Variants in MYO7A observed in about 807,000 individuals in gnomAD.
MYO7A encodes unconventional myosin-VIIa.
MYO7A carries 210 observed loss-of-function variants against 263.8 expected under a neutral mutation model. The observed-to-expected ratio is 0.80, with a 90% CI of 0.71 to 0.89. MYO7A has a LOEUF of 0.89. Among genes scored for constraint, MYO7A ranks in the 40% least tolerant of loss-of-function variants. MYO7A has a pLI of 0.00. For synonymous variants in MYO7A, 1,239 were observed against 1,197.3 expected (o/e 1.03, Z -0.72); for missense variants, 2,820 against 2,968.3 (o/e 0.95, Z 1.16).
At chr11:77,130,500 C>T (rs1464228735) in intron 1 of MYO7A, 89 bp from the exon 2 acceptor site, 5 of 973,378 alleles carry the variant, frequency 5.1e-6, no homozygotes, top group Non-Finnish European at 6.3e-6. Flanking sequence ...GGAGCTGGGG[C>T]TTTGGGAGGA....
rs885440 is a variant in MYO7A at position 77,209,066 on chromosome 11, G to A, written c.6051+263G>A. On this transcript the variant is annotated intron_variant, in intron 44 of 48. Coordinates refer to ENST00000409709, the MANE Select transcript of MYO7A (RefSeq NM_000260.4). ...CCTGTTCAGGCCCCTCCTTCAGTGC[G>A]GGGCTATCCTCTGACTTCGAGATTC... 277,892 of 490,852 alleles carry A rather than the reference G, an allele frequency of 0.57. 78,890 individuals carry two copies. Among genetic ancestry groups the A allele is most frequent in the Admixed American group, 0.65 (19,213 of 29,656 alleles). The allele number at this position is 490,852 out of a possible 1,614,324, so 30.4% of individuals were successfully genotyped here. A position where few individuals can be genotyped will look rare whatever the true frequency, so the allele number is the denominator to read the frequency against.
rs544856649 is a variant in MYO7A at position 77,183,020 on chromosome 11, A to G, written c.3286-48A>G. Reference sequence around the variant, plus strand: ...AAGTCTTGCTGTCGGGGGTCTCGACATTGCTTTCTGCTCAGCCACTTGACC... The same window carrying G: ...AAGTCTTGCTGTCGGGGGTCTCGACGTTGCTTTCTGCTCAGCCACTTGACC... On this transcript the variant is annotated intron_variant, in intron 25 of 48. Coordinates refer to ENST00000409709, the MANE Select transcript of MYO7A (RefSeq NM_000260.4). The G allele has an allele frequency of 2.7e-6, 4 of 1,497,104 alleles. No homozygotes were observed. In the South Asian group the frequency reaches 3.6e-5, roughly 14 times the overall value. 92.7% of individuals were successfully genotyped at this position (1,497,104 alleles called of 1,614,324 possible).
chr11:77,176,676 G>T (rs138897433), intron 18 of MYO7A, among the ~76,000 whole-genome samples: 3 of 152,288 alleles, frequency 2.0e-5, no homozygotes, highest in East Asian at 3.9e-4. Flanking sequence ...GGCCAAACAT[G>T]CTCATTCATC....
rs1476261700 is a variant in MYO7A at position 77,214,012 on chromosome 11, C to G, written c.6558+33C>G. On this transcript the variant is annotated intron_variant, in intron 48 of 48. Transcript: ENST00000409709. ...CGCATCCTGCTGGGCCTAGTGGGCT[C>G]CCTGCCTTGCCTGCAGCGTAGCCAG... 54 of 1,612,658 alleles carry G rather than the reference C, an allele frequency of 3.3e-5. No homozygotes were observed. The Middle Eastern group carries it at 5.0e-4, about 15-fold the overall frequency.
rs762849700 is a variant in MYO7A, at chr11:77,206,082, C to T, written c.5637-15C>T. 24 of 1,600,338 alleles carry T rather than the reference C, an allele frequency of 1.5e-5. No individual in the cohort carries two copies. The South Asian group carries it at 2.6e-4, about 17-fold the overall frequency. ...CCCACGCACATGCCCCCTGCTGCCC[C>T]TGCTGCCTTTTCAGAAACGGGTCCC... is the stretch of plus-strand genomic sequence containing the variant. On this transcript the variant is annotated splice_polypyrimidine_tract_variant and intron_variant, in intron 40 of 48. Coordinates refer to ENST00000409709, the MANE Select transcript of MYO7A (RefSeq NM_000260.4).
chr11:77,148,691 C>T (rs1565322651), intron 4 of MYO7A, among the ~76,000 whole-genome samples: 1 of 152,034 alleles, frequency 6.6e-6, no homozygotes, highest in African/African-American at 2.4e-5. Flanking sequence ...TTGATATTTG[C>T]CATATTAGAA....
chr11:77,191,577 C>A (rs1156871986), intron 30 of MYO7A, among the ~76,000 whole-genome samples: 1 of 152,200 alleles, frequency 6.6e-6, no homozygotes, highest in African/African-American at 2.4e-5. Context: ...TGCCCTGAAG[C>A]AGCTGGAGTG....
In MYO7A at chr11:77,201,577, A is replaced by C; in HGVS notation, c.4982A>C (p.Asp1661Ala). 6.2e-7 allele frequency: 1 copy of C among 1,613,824 alleles called. No individual in the cohort carries two copies. The highest frequency in any genetic ancestry group is 1.1e-5 in the South Asian group (1 of 91,074). ...GINERTKQRG[D>A]FPTDSVYVMP... Reference sequence around the variant, plus strand: ...AATGAGAGGACCAAGCAGCGTGGGGACTTCCCCACCGACAGTGTGTACGTC... The same window carrying C: ...AATGAGAGGACCAAGCAGCGTGGGGCCTTCCCCACCGACAGTGTGTACGTC... Residue 1661 changes from aspartate (D) to alanine (A), a missense_variant, in exon 36 of 49, where the codon GAC (aspartate) becomes GCC (alanine). Transcript: ENST00000409709.
chr11:77,177,442 G>A (rs1954741403), intron 18 of MYO7A, 107 bp from the exon 19 acceptor site: 1 of 908,168 alleles, frequency 1.1e-6, no homozygotes, highest in Non-Finnish European at 1.7e-6. Context: ...GCCCAACTGA[G>A]TTCTTGACCT....
intron 20 of MYO7A, 147 bp from the exon 21 acceptor site, chr11:77,179,586 TGG>T: frequency 1.5e-6 from 1 of 663,346 alleles, no homozygotes; most frequent in Non-Finnish European, 2.5e-6. Flanking sequence ...TTTCTAACGA[TGG>T]GGGGGCACTA....
At chr11:77,187,506 C>T (rs921468009) in intron 27 of MYO7A, among the ~76,000 whole-genome samples, 13 of 152,194 alleles carry the variant, frequency 8.5e-5, no homozygotes, top group Non-Finnish European at 2.9e-5. Context: ...CCTGCTTTAA[C>T]CCCGCTGCCG....
chr11:77,156,013 C>A lies in MYO7A; in HGVS notation c.392C>A (p.Pro131His). 6.2e-7 allele frequency: 1 copy of A among 1,613,918 alleles called. No individual in the cohort carries two copies. The highest frequency in any genetic ancestry group is 8.5e-7 in the Non-Finnish European group (1 of 1,179,876). Residue 131 changes from proline to histidine, a missense_variant, in exon 5 of 49, where the codon CCC becomes CAC. Pro to His is a moderately conservative substitution (Grantham distance 77). Transcript: ENST00000409709. ...QYTNKKIGEM[P>H]PHIFAIADNC... is the part of the protein sequence containing the mutation. ...ACCAACAAGAAGATTGGGGAGATGC[C>A]CCCCCACATCTTTGCCATTGCTGAC...
rs530168424 is a variant in MYO7A at position 77,167,836 on chromosome 11, C to T, written c.1797+1674C>T. ...GCTTGTCTGGATGGTGGCCTCTCCC[C>T]TCTGCCCACAGATCAGCCCTGGAAG... On this transcript the variant is annotated intron_variant, in intron 15 of 48. Coordinates refer to ENST00000409709, the MANE Select transcript of MYO7A (RefSeq NM_000260.4). Among the ~76,000 whole-genome samples, 12 of 152,244 alleles carry T rather than the reference C, an allele frequency of 7.9e-5. No individual in the cohort carries two copies. In the East Asian group the frequency reaches 2.3e-3, roughly 30 times the overall value.
chr11:77,212,937 C>T lies in MYO7A; in HGVS notation c.6355-15C>T, dbSNP rs1265584857. The T allele has an allele frequency of 3.2e-6, 5 of 1,576,092 alleles. No homozygotes were observed. The highest frequency in any genetic ancestry group is 1.8e-5 in the Admixed American group (1 of 55,172). ...TCTGGGCCCCCATCTGATGCCTTCT[C>T]ATCTTTTTTTCTAGCAAACTACGGA... is the stretch of plus-strand genomic sequence containing the variant. On this transcript the variant is annotated splice_polypyrimidine_tract_variant and intron_variant, in intron 46 of 48. Transcript: ENST00000409709.
At chr11:77,211,360 G>T (rs1404924729) in intron 45 of MYO7A, 23 bp downstream of exon 45, 1 of 1,560,996 alleles carries the variant, frequency 6.4e-7, no homozygotes, top group Non-Finnish European at 8.7e-7. Context: ...TGGGCATCGG[G>T]AATGGTGGGG....
At chr11:77,180,540 A>G in intron 22 of MYO7A, 59 bp downstream of exon 22, 1 of 1,439,630 alleles carries the variant, frequency 6.9e-7, no homozygotes, top group Non-Finnish European at 9.6e-7. Flanking sequence ...CCCCTCCCCG[A>G]GGCTGGCTTC....
chr11:77,129,068 T>A (rs1191270230), intron 1 of MYO7A, among the ~76,000 whole-genome samples: 3 of 152,254 alleles, frequency 2.0e-5, no homozygotes, highest in African/African-American at 7.2e-5. Flanking sequence ...AATGTCTGTC[T>A]GGTCATTTTA....
intron 14 of MYO7A, among the ~76,000 whole-genome samples, chr11:77,164,555 C>T (rs1426789298): frequency 6.6e-6 from 1 of 152,114 alleles, no homozygotes; most frequent in African/African-American, 2.4e-5. Context: ...GCTCAGATTC[C>T]CTTACAATAT....
chr11:77,167,910 G>A (rs782529325), intron 15 of MYO7A, among the ~76,000 whole-genome samples: 16 of 152,096 alleles, frequency 1.1e-4, no homozygotes, highest in South Asian at 2.1e-4. Context: ...TAGGCTGGCC[G>A]ACTGCTGGGG....
Sources: gnomAD v4.1 joint callset for allele counts (sites outside exome capture counted in the v4.1 genomes callset) on GRCh38, gnomAD v4.1.1 for gene constraint, MANE v1.5 for transcripts, NCBI Gene and HGNC (gene_info 2026-07-23, HGNC 2026-07-21) for gene names.